The following PRKCA variants were observed in gnomAD, a reference collection of about 807,000 sequenced individuals.
The protein encoded by PRKCA is protein kinase C alpha.
Under a neutral mutation model 87.0 loss-of-function variants are expected in PRKCA, and 27 were observed. That is an observed-to-expected ratio of 0.31 (90% CI 0.23 to 0.43). The LOEUF is 0.43. PRKCA is among the 20% of genes least tolerant of loss of function. The probability of loss-of-function intolerance (pLI) is 1.00; values close to 1 mark genes in which losing one functional copy is unlikely to be tolerated. For missense variants in PRKCA, 518 were observed against 852.3 expected (o/e 0.61, Z 4.88); for synonymous variants, 329 against 311.1 (o/e 1.06, Z -0.61).
At chr17:66,539,444 T>C (rs926681616) in intron 3 of PRKCA, among the ~76,000 whole-genome samples, 2 of 151,640 alleles carry the variant, frequency 1.3e-5, no homozygotes, top group African/African-American at 4.8e-5. Flanking sequence ...TGCTCTGTCC[T>C]CCAGGCTGGA....
intron 3 of PRKCA, among the ~76,000 whole-genome samples, chr17:66,619,288 G>T (rs1039019991): frequency 1.3e-5 from 2 of 152,164 alleles, no homozygotes; most frequent in African/African-American, 4.8e-5. Flanking sequence ...TATCATCTAG[G>T]TAAATTGTTT....
intron 5 of PRKCA, among the ~76,000 whole-genome samples, chr17:66,660,119 C>CA (rs755809575): frequency 0.039 from 5,420 of 138,338 alleles, 292 homozygotes; most frequent in African/African-American, 0.12. Flanking sequence ...TAGGGATCAA[C>CA]AAAAAAAAAA....
At chr17:66,661,139 G>T (rs1033321896) in intron 5 of PRKCA, among the ~76,000 whole-genome samples, 1 of 152,146 alleles carries the variant, frequency 6.6e-6, no homozygotes, top group African/African-American at 2.4e-5. Context: ...TTGCATTGCA[G>T]AAAACATGGC....
At chr17:66,603,637 C>T (rs936166710) in intron 3 of PRKCA, among the ~76,000 whole-genome samples, 1 of 152,112 alleles carries the variant, frequency 6.6e-6, no homozygotes, top group South Asian at 2.1e-4. Flanking sequence ...CCACTTTTAA[C>T]TGTGGAATGT....
At chr17:66,585,677 G>A (rs1426354316) in intron 3 of PRKCA, among the ~76,000 whole-genome samples, 3 of 152,208 alleles carry the variant, frequency 2.0e-5, no homozygotes, top group African/African-American at 7.2e-5. Context: ...GTGGAGTGGG[G>A]AGCCGCGGAG....
chr17:66,505,251 GT>G (rs1916923638), intron 3 of PRKCA, among the ~76,000 whole-genome samples: 2 of 152,148 alleles, frequency 1.3e-5, no homozygotes, highest in Admixed American at 1.3e-4. Flanking sequence ...ATCCTCATCC[GT>G]AGTTCTGATG....
intron 3 of PRKCA, among the ~76,000 whole-genome samples, chr17:66,610,861 AC>A (rs1970341653): frequency 6.6e-6 from 1 of 152,118 alleles, no homozygotes; most frequent in African/African-American, 2.4e-5. Flanking sequence ...GAAAGGAGAG[AC>A]TGTCCATTAC....
chr17:66,451,381 T>C (rs2143922432), intron 2 of PRKCA, among the ~76,000 whole-genome samples: 1 of 145,498 alleles, frequency 6.9e-6, no homozygotes, highest in East Asian at 1.9e-4. Context: ...TATTTATTTA[T>C]TTATTACCTA....
intron 13 of PRKCA, among the ~76,000 whole-genome samples, chr17:66,765,669 C>A (rs1974798105): frequency 6.6e-6 from 1 of 151,522 alleles, no homozygotes. Context: ...ATTTCATCTG[C>A]TCAGAAACCA....
In PRKCA at chr17:66,689,545, A is replaced by G. The variant is rs560566923; in HGVS notation, c.918+498A>G. Among the ~76,000 whole-genome samples the G allele has an allele frequency of 6.6e-6, 1 of 152,018 alleles. No homozygotes were observed. Among genetic ancestry groups the G allele is most frequent in the South Asian group, 2.1e-4 (1 of 4,808 alleles). Reference sequence around the variant, plus strand: ...ATGCCTTTGTGTGTGATCCCTTTTTATTTATGCTCCAGATGTTTAGCAAAG... The same window carrying G: ...ATGCCTTTGTGTGTGATCCCTTTTTGTTTATGCTCCAGATGTTTAGCAAAG... On this transcript the variant is annotated intron_variant, in intron 8 of 16. Coordinates refer to ENST00000413366, the MANE Select transcript of PRKCA (RefSeq NM_002737.3). The surrounding 1 kb of genome is among the most constrained non-coding windows in gnomAD (Gnocchi z 4.1).
chr17:66,631,038 T>G (rs1411379574), intron 3 of PRKCA, among the ~76,000 whole-genome samples: 1 of 152,136 alleles, frequency 6.6e-6, no homozygotes, highest in Non-Finnish European at 1.5e-5. Context: ...GCAGGAGATA[T>G]ATGAGCCGTT....
In PRKCA at chr17:66,809,703, G is replaced by A. The variant is rs1976122816; in HGVS notation, c.*5666G>A. On this transcript the variant is annotated 3_prime_UTR_variant, in exon 17 of 17. Coordinates refer to ENST00000413366, the MANE Select transcript of PRKCA (RefSeq NM_002737.3). ...GGAACTTGGCCGACTGATGCTCTGC[G>A]AGTTTTTAATAGACACTGGGGACAA... is the stretch of plus-strand genomic sequence containing the variant. The A allele has an allele frequency of 6.6e-6, 1 of 152,110 alleles. No individual in the cohort carries two copies. Among genetic ancestry groups the A allele is most frequent in the Non-Finnish European group, 1.5e-5 (1 of 68,038 alleles). The allele number at this position is 152,110 out of a possible 1,614,324, so 9.4% of individuals were successfully genotyped here.
chr17:66,671,406 T>C (rs1240315044), intron 5 of PRKCA, among the ~76,000 whole-genome samples: 1 of 151,942 alleles, frequency 6.6e-6, no homozygotes, highest in East Asian at 1.9e-4. Context: ...TACTGCTTAA[T>C]CTCTCCAAGC....
chr17:66,651,114 G>A (rs1197407946), intron 5 of PRKCA, among the ~76,000 whole-genome samples: 1 of 152,142 alleles, frequency 6.6e-6, no homozygotes, highest in Non-Finnish European at 1.5e-5. Flanking sequence ...GGAGCCGGGA[G>A]GACAGGGAAG....
At chr17:66,735,695 C>T (rs3889874) in intron 10 of PRKCA, 33 bp downstream of exon 10, 127,638 of 1,599,822 alleles carry the variant, frequency 0.08, 5,722 homozygotes, top group South Asian at 0.097. Flanking sequence ...CGATGCAGTA[C>T]CCAGCTCTCA....
chr17:66,572,494 G>A (rs1014862798), intron 3 of PRKCA, among the ~76,000 whole-genome samples: 2 of 152,088 alleles, frequency 1.3e-5, no homozygotes, highest in Non-Finnish European at 2.9e-5. Flanking sequence ...AAGAATATCA[G>A]TAACTGAGAA....
chr17:66,802,088 G>A (rs935105607), intron 16 of PRKCA, among the ~76,000 whole-genome samples: 1 of 152,090 alleles, frequency 6.6e-6, no homozygotes, highest in African/African-American at 2.4e-5. Flanking sequence ...AGGTGTGGTG[G>A]TGCGCACCCG....
intron 2 of PRKCA, among the ~76,000 whole-genome samples, chr17:66,332,439 G>T (rs1351271719): frequency 6.6e-6 from 1 of 151,852 alleles, no homozygotes. Flanking sequence ...TGTTGGCCAG[G>T]GTGGTCTTGA....
intron 2 of PRKCA, among the ~76,000 whole-genome samples, chr17:66,453,250 C>G (rs1373783247): frequency 6.6e-6 from 1 of 152,100 alleles, no homozygotes; most frequent in Non-Finnish European, 1.5e-5. Flanking sequence ...AGACTGGGAA[C>G]TAGAACCCAT....
Sources: allele counts gnomAD v4.1 joint callset (sites outside exome capture counted in the v4.1 genomes callset), GRCh38; gene constraint gnomAD v4.1.1; non-coding constraint Gnocchi (gnomAD v3.1); transcripts MANE v1.5; gene names NCBI Gene and HGNC (gene_info 2026-07-23, HGNC 2026-07-21).